The following COL4A2 variants were observed in gnomAD, a reference collection of about 807,000 sequenced individuals.
The protein encoded by COL4A2 is collagen type IV alpha 2 chain.
A neutral mutation model predicts 200.2 loss-of-function variants in COL4A2; 99 were observed. The ratio of observed to expected loss-of-function variants is 0.49; its 90% CI spans 0.42 to 0.58. The LOEUF (loss-of-function observed/expected upper bound fraction) is 0.58, where lower values mean the gene tolerates loss of function less well. COL4A2 is among the 20% of genes least tolerant of loss of function. COL4A2 has a pLI of 0.00. For synonymous variants in COL4A2, 897 were observed against 900.6 expected (o/e 1.00, Z 0.07); for missense variants, 1,950 against 2,314.1 (o/e 0.84, Z 3.23).
At chr13:110,326,138 G>A (rs112087622) in intron 3 of COL4A2, among the ~76,000 whole-genome samples, 8 of 152,246 alleles carry the variant, frequency 5.3e-5, no homozygotes, top group East Asian at 1.9e-4. Flanking sequence ...CCTGCCCTTC[G>A]CCCAGGGGTG....
At chr13:110,505,666 A>AC (rs1247219665) in intron 45 of COL4A2, among the ~76,000 whole-genome samples, 2 of 152,102 alleles carry the variant, frequency 1.3e-5, no homozygotes, top group Non-Finnish European at 2.9e-5. Flanking sequence ...CAGATGAGCC[A>AC]CCCCCGTGTG....
chr13:110,355,688 G>A (rs192290776), intron 3 of COL4A2, among the ~76,000 whole-genome samples: 1 of 35,740 alleles, frequency 2.8e-5, no homozygotes, highest in Non-Finnish European at 4.4e-5. Context: ...GGGGGTGGAG[G>A]GCTGTACAGC....
chr13:110,385,030 T>G (rs1878630660), intron 4 of COL4A2, among the ~76,000 whole-genome samples: 1 of 152,154 alleles, frequency 6.6e-6, no homozygotes, highest in Non-Finnish European at 1.5e-5. Context: ...TTTGGGAGGC[T>G]GAGGCAGGCG....
chr13:110,307,518 C>A lies in COL4A2; in HGVS notation c.-55C>A, dbSNP rs1884811141. 1 of 267,762 alleles carries A rather than the reference C, an allele frequency of 3.7e-6. No individual in the cohort carries two copies. The highest frequency in any genetic ancestry group is 6.6e-5 in the East Asian group (1 of 15,232). 16.6% of individuals were successfully genotyped at this position (267,762 alleles called of 1,614,324 possible). A position where few individuals can be genotyped will look rare whatever the true frequency, so the allele number is the denominator to read the frequency against. On this transcript the variant is annotated 5_prime_UTR_variant, in exon 1 of 48. Coordinates refer to ENST00000360467, the MANE Select transcript of COL4A2 (RefSeq NM_001846.4). The surrounding 1 kb of genome is among the most constrained non-coding windows in gnomAD (Gnocchi z 5.0). ...TGCGTTCGGGCAGCAGCCCCTGAAG[C>A]CGAGCCCGAGGTGAGAGCGACCCCC...
chr13:110,475,700 C>T (rs1882677865), intron 29 of COL4A2, among the ~76,000 whole-genome samples: 1 of 152,236 alleles, frequency 6.6e-6, no homozygotes, highest in South Asian at 2.1e-4. Context: ...ACAGGAGCAG[C>T]GTGCAGCGGG....
Position 110,508,480 on chromosome 13 carries a change from C to T in COL4A2, c.4881+259C>T, listed in dbSNP as rs967516984. On this transcript the variant is annotated intron_variant, in intron 47 of 47. Transcript: ENST00000360467. This position sits in a 1 kb window ranked among gnomAD's most constrained non-coding sequence, Gnocchi z 6.1. ...GCCTTTGTAAGGAGTGTAACCAGGA[C>T]GAACTTGCCTGTTATCCGTCTTACT... 7 of 597,426 alleles carry T rather than the reference C, an allele frequency of 1.2e-5. No individual in the cohort carries two copies. The highest frequency in any genetic ancestry group is 6.1e-5 in the Admixed American group (2 of 32,980). The allele number at this position is 597,426 out of a possible 1,614,324, so 37.0% of individuals were successfully genotyped here. A position where few individuals can be genotyped will look rare whatever the true frequency, so the allele number is the denominator to read the frequency against.
At chr13:110,327,771 C>G (rs886568674) in intron 3 of COL4A2, among the ~76,000 whole-genome samples, 4 of 152,150 alleles carry the variant, frequency 2.6e-5, no homozygotes, top group African/African-American at 4.8e-5. Context: ...ATTCTGTTTT[C>G]GTCATTAGTT....
chr13:110,492,952 A>G (rs1883332767), intron 38 of COL4A2, among the ~76,000 whole-genome samples: 1 of 152,194 alleles, frequency 6.6e-6, no homozygotes, highest in Admixed American at 6.5e-5. Flanking sequence ...TGACAGTTTC[A>G]GAGCCAACAA....
intron 16 of COL4A2, among the ~76,000 whole-genome samples, chr13:110,440,598 A>AAAT (rs1289189788): frequency 1.3e-5 from 2 of 152,106 alleles, no homozygotes; most frequent in African/African-American, 2.4e-5. Flanking sequence ...CTCCATCATA[A>AAAT]AATAATAATA....
rs889909652 is a variant in COL4A2, at chr13:110,505,194, C to T, written c.4402+930C>T. The stretch of plus-strand genomic sequence containing the variant: ...TGAAACCCCGTCTCTACTAAAAATA[C>T]AAAAAATTAGCCGGGCGTGGTGGCG... On this transcript the variant is annotated intron_variant, in intron 45 of 47. Coordinates refer to ENST00000360467, the MANE Select transcript of COL4A2 (RefSeq NM_001846.4). Among the ~76,000 whole-genome samples the T allele has an allele frequency of 1.1e-4, 16 of 151,346 alleles. No individual in the cohort carries two copies. In the South Asian group the frequency reaches 3.2e-3, roughly 30 times the overall value.
rs772966453 is a variant in COL4A2, at chr13:110,445,823, T to G, written c.958-6T>G. ...CAAAAATTAAAAGCAAATATCTTTC[T>G]TGCAGGGAAGCCGAGGCCTGGATGG... On this transcript the variant is annotated splice_polypyrimidine_tract_variant and splice_region_variant and intron_variant, in intron 16 of 47. Coordinates refer to ENST00000360467, the MANE Select transcript of COL4A2 (RefSeq NM_001846.4). 3.7e-6 allele frequency: 6 copies of G among 1,614,232 alleles called. No homozygotes were observed. The South Asian group carries it at 6.6e-5, about 18-fold the overall frequency.
intron 33 of COL4A2, 73 bp from the exon 34 acceptor site, chr13:110,485,582 G>A (rs1026770120): frequency 8.7e-6 from 10 of 1,153,118 alleles, no homozygotes; most frequent in Admixed American, 7.0e-5. Flanking sequence ...ATGCATCCAG[G>A]CTGCAAAATT....
chr13:110,308,114 C>T lies in COL4A2; in HGVS notation c.90C>T (p.Ser30=). 2.5e-6 allele frequency: 4 copies of T among 1,613,750 alleles called. No individual in the cohort carries two copies. Among genetic ancestry groups the T allele is most frequent in the Non-Finnish European group, 3.4e-6 (4 of 1,180,018 alleles). The change falls in exon 3 of 48, where the codon AGC becomes AGT. Residue 30 remains serine (S), a synonymous_variant. Transcript: ENST00000360467. ...TGACCGTGGGGTTCCTCGCCCAGAG[C>T]GTCTTGGCGGTAAGTCCTGGCTCCC... is the stretch of plus-strand genomic sequence containing the variant. ...GTVTVGFLAQ[S]VLAGVKKFDV...
chr13:110,438,778 A>G (rs1379763145), intron 15 of COL4A2, 110 bp downstream of exon 15: 5 of 1,370,534 alleles, frequency 3.6e-6, no homozygotes, highest in Non-Finnish European at 5.1e-6. Flanking sequence ...CAGAAAGTAT[A>G]GAGATTTCCC....
chr13:110,347,458 C>G (rs1466233562), intron 3 of COL4A2, among the ~76,000 whole-genome samples: 2 of 152,206 alleles, frequency 1.3e-5, no homozygotes, highest in Admixed American at 6.5e-5. Context: ...TGCCTGAACT[C>G]TTGCCCTTTG....
At chr13:110,507,711 A>C in intron 46 of COL4A2, 1 of 593,234 alleles carries the variant, frequency 1.7e-6, no homozygotes, top group Admixed American at 3.0e-5. Context: ...ATGTGTGAGA[A>C]CTTGTAGAAG....
chr13:110,463,999 T>C (rs1346419018), intron 24 of COL4A2, among the ~76,000 whole-genome samples: 3 of 152,140 alleles, frequency 2.0e-5, no homozygotes, highest in Non-Finnish European at 4.4e-5. Flanking sequence ...ATGATTCCTG[T>C]GGTTGGAACA....
rs9521782 is a variant in COL4A2, at chr13:110,458,696, G to A, written c.1433-75G>A. On this transcript the variant is annotated intron_variant, in intron 21 of 47. Coordinates refer to ENST00000360467, the MANE Select transcript of COL4A2 (RefSeq NM_001846.4). The stretch of plus-strand genomic sequence containing the variant: ...CCAAGTGTGCCACCCAGCTCTCCCC[G>A]CTGCCTGATACCCCTCTCCCCGCCA... 908,259 of 1,581,270 alleles carry A rather than the reference G, an allele frequency of 0.57. 267,971 individuals are homozygous for A. The highest frequency in any genetic ancestry group is 0.68 in the Middle Eastern group (4,000 of 5,914).
At chr13:110,439,871 C>T in intron 16 of COL4A2, 38 bp downstream of exon 16, 1 of 1,605,392 alleles carries the variant, frequency 6.2e-7, no homozygotes, top group Non-Finnish European at 8.5e-7. Context: ...GCTCTGGGCC[C>T]ACGACATCCC....
Sources: allele counts gnomAD v4.1 joint callset (sites outside exome capture counted in the v4.1 genomes callset), GRCh38; gene constraint gnomAD v4.1.1; non-coding constraint Gnocchi (gnomAD v3.1); transcripts MANE v1.5; gene names NCBI Gene and HGNC (gene_info 2026-07-23, HGNC 2026-07-21).